Variants in TIMM44 observed in about 807,000 individuals in gnomAD.
TIMM44 encodes the protein mitochondrial import inner membrane translocase subunit TIM44.
TIMM44 carries 37 observed loss-of-function variants against 63.8 expected under a neutral mutation model. The observed-to-expected ratio is 0.58, with a 90% CI of 0.45 to 0.76. TIMM44 has a LOEUF of 0.76. Among genes scored for constraint, TIMM44 ranks in the 30% least tolerant of loss-of-function variants. The pLI is 0.00. For synonymous variants in TIMM44, 239 were observed against 245.1 expected, an observed-to-expected ratio of 0.98 and a Z score of 0.23; for missense variants, 573 against 603.8, an observed-to-expected ratio of 0.95 and a Z score of 0.54.
chr19:7,933,557 C>T lies in TIMM44; in HGVS notation c.697G>A (p.Val233Ile). ...CACTTGGAGTCCTTGTGCAGCACGA[C>T]CCCCAGGGCCTCCCTGGGGAAGAGG... ...VFEPNEEALG[V>I]VLHKDSKWYQ... Residue 233 changes from valine to isoleucine, a missense_variant, in exon 7 of 13, where the codon GTC becomes ATC. By Grantham distance (29) the Val-to-Ile change is conservative. Coordinates refer to ENST00000270538, the MANE Select transcript of TIMM44 (RefSeq NM_006351.4). The surrounding 1 kb of genome is among the most constrained non-coding windows in gnomAD (Gnocchi z 4.3). 1 of 1,613,956 alleles carries T rather than the reference C, an allele frequency of 6.2e-7. No individual in the cohort carries two copies. Among genetic ancestry groups the T allele is most frequent in the East Asian group, 2.2e-5 (1 of 44,832 alleles).
At chr19:7,936,774 C>T (rs1984166024) in intron 3 of TIMM44, among the ~76,000 whole-genome samples, 1 of 152,142 alleles carries the variant, frequency 6.6e-6, no homozygotes, top group South Asian at 2.1e-4. Flanking sequence ...TTGAGACCAG[C>T]CTGGCCAACA....
chr19:7,927,133 G>T lies in TIMM44; in HGVS notation c.*54C>A. The T allele has an allele frequency of 6.4e-7, 1 of 1,564,854 alleles. No homozygotes were observed. Among genetic ancestry groups the T allele is most frequent in the Non-Finnish European group, 8.6e-7 (1 of 1,161,974 alleles). On this transcript the variant is annotated 3_prime_UTR_variant, in exon 13 of 13. Transcript: ENST00000270538. The stretch of plus-strand genomic sequence containing the variant: ...CTGGAGTTGCCGCAGGTGGTGTTGC[G>T]GTGCCTCTGTGCCTGATGACCCAGG...
At chr19:7,939,337 C>T (rs909796687) in intron 2 of TIMM44, among the ~76,000 whole-genome samples, 8 of 152,236 alleles carry the variant, frequency 5.3e-5, no homozygotes, top group Admixed American at 3.3e-4. Flanking sequence ...CAAGGCCGGG[C>T]GCAGTGGCTC....
rs1042512578 is a variant in TIMM44, at chr19:7,943,518, G to A, written c.45+89C>T. Reference sequence around the variant, plus strand: ...TCTAAGGAGCCCAAGCAAGGGTCGCGAAGGCCAAGGGTCTGAGAAGAAAGC... The same window carrying A: ...TCTAAGGAGCCCAAGCAAGGGTCGCAAAGGCCAAGGGTCTGAGAAGAAAGC... On this transcript the variant is annotated intron_variant, in intron 1 of 12. Transcript: ENST00000270538. The surrounding 1 kb of genome is among the most constrained non-coding windows in gnomAD (Gnocchi z 4.3). 48 of 1,459,308 alleles carry A rather than the reference G, an allele frequency of 3.3e-5. No homozygotes were observed. Among genetic ancestry groups the A allele is most frequent in the Non-Finnish European group, 4.1e-5 (44 of 1,076,418 alleles). 90.4% of individuals were successfully genotyped at this position (1,459,308 alleles called of 1,614,324 possible).
intron 1 of TIMM44, 78 bp from the exon 2 acceptor site, chr19:7,941,275 G>A: frequency 8.8e-7 from 1 of 1,135,510 alleles, no homozygotes; most frequent in Non-Finnish European, 1.3e-6. Flanking sequence ...ACACAAAACA[G>A]CAGGGTCACC....
At chr19:7,928,708 G>A (rs1300542817) in intron 10 of TIMM44, 3 of 151,774 alleles carry the variant, frequency 2.0e-5, no homozygotes, top group Non-Finnish European at 2.9e-5. Flanking sequence ...TGTTCTGATA[G>A]CATCTACTTT....
rs758159353 is a variant in TIMM44, at chr19:7,938,097, A to G, written c.242T>C (p.Ile81Thr). 1.2e-6 allele frequency: 2 copies of G among 1,614,068 alleles called. No homozygotes were observed. Among genetic ancestry groups the G allele is most frequent in the Non-Finnish European group, 1.7e-6 (2 of 1,180,006 alleles). ...TCTGGCCTCGTCACGGAATTTTTTT[A>G]TACTTTCTTTCATTTCTTTGTTTTT... ...LAKNKEMKES[I>T]KKFRDEARRL... The change falls in exon 3 of 13, where the codon ATA (isoleucine) becomes ACA (threonine). Residue 81 changes from isoleucine to threonine, a missense_variant. Transcript: ENST00000270538.
In TIMM44 at chr19:7,933,876, A is replaced by G. The variant is rs1382875371; in HGVS notation, c.671T>C (p.Phe224Ser). ...AGDKFKEEKV[F>S]EPNEEALGVV... ...GGCTGGTACCTACTCGTTTGGCTCA[A>G]ACACTTTCTCCTCCTTGAACTTATC... Residue 224 changes from phenylalanine to serine, a missense_variant, in exon 6 of 13, where the codon TTT (phenylalanine) becomes TCT (serine). By Grantham distance (155) the Phe-to-Ser change is radical (BLOSUM62 -2). Transcript: ENST00000270538. The surrounding 1 kb of genome is among the most constrained non-coding windows in gnomAD (Gnocchi z 4.3). 2 of 1,614,170 alleles carry G rather than the reference A, an allele frequency of 1.2e-6. No individual in the cohort carries two copies. Among genetic ancestry groups the G allele is most frequent in the Middle Eastern group, 1.6e-4 (1 of 6,062 alleles).
At position 7,932,722 on chromosome 19, in the gene TIMM44, C is replaced by T; in HGVS notation, c.892G>A (p.Glu298Lys). Residue 298 changes from glutamate to lysine, a missense_variant, in exon 9 of 13, where the codon GAG becomes AAG. Physicochemically the swap from Glu to Lys is moderately conservative, Grantham distance 56 (BLOSUM62 1). Coordinates refer to ENST00000270538, the MANE Select transcript of TIMM44 (RefSeq NM_006351.4). ...ACCCGGAGGATCTCCGTGAGCACCT[C>T]CGACATCTCTGTCTTGGAGAACAGG... ...GGLFSKTEMSEVLTEILRVDP... is the reference protein window; with the variant it reads ...GGLFSKTEMSKVLTEILRVDP... 3.7e-6 allele frequency: 6 copies of T among 1,614,136 alleles called. No individual in the cohort carries two copies. The highest frequency in any genetic ancestry group is 5.1e-6 in the Non-Finnish European group (6 of 1,179,984).
In TIMM44 at chr19:7,934,251, A is replaced by C; in HGVS notation, c.394-13T>G. The stretch of plus-strand genomic sequence containing the variant: ...CTTCGTGAAGGCTCTACTGAGACAG[A>C]CACAGAGAGGGGGCGTTGGCACCGG... On this transcript the variant is annotated splice_polypyrimidine_tract_variant and intron_variant, in intron 4 of 12. Transcript: ENST00000270538. The surrounding 1 kb of genome is among the most constrained non-coding windows in gnomAD (Gnocchi z 5.3). 1 of 1,610,638 alleles carries C rather than the reference A, an allele frequency of 6.2e-7. No individual in the cohort carries two copies. The highest frequency in any genetic ancestry group is 8.5e-7 in the Non-Finnish European group (1 of 1,179,944).
At chr19:7,935,367 G>T in intron 3 of TIMM44, 1 of 521,846 alleles carries the variant, frequency 1.9e-6, no homozygotes, top group Non-Finnish European at 3.4e-6. Context: ...GTTTTACCAC[G>T]TTGGCCAGGC....
chr19:7,941,149 G>C lies in TIMM44; in HGVS notation c.94C>G (p.His32Asp). 6.2e-7 allele frequency: 1 copy of C among 1,614,168 alleles called. No individual in the cohort carries two copies. The highest frequency in any genetic ancestry group is 1.7e-5 in the Admixed American group (1 of 60,022). The change falls in exon 2 of 13, where the codon CAT (histidine) becomes GAT (aspartate). Residue 32 changes from histidine to aspartate, a missense_variant. By Grantham distance (81) the His-to-Asp change is moderately conservative. Transcript: ENST00000270538. ...CGGCGCATCTGATAGGTCGACCCAT[G>C]GGGTAGGTTGTGGCTGGAAAGAAAT... The part of the protein sequence containing the change: ...IQFLSSHNLP[H>D]GSTYQMRRPG...
chr19:7,930,303 CT>C (rs71179159), intron 10 of TIMM44, among the ~76,000 whole-genome samples: 24,737 of 108,764 alleles, frequency 0.23, 1,970 homozygotes, highest in African/African-American at 0.29. Flanking sequence ...ATGCTTGGCT[CT>C]TTTTTTTTTT....
At position 7,931,116 on chromosome 19, in the gene TIMM44, GAAAA is replaced by G. The variant is rs759967707; in HGVS notation, c.1038+18_1038+21del. ...TTTTTAGGCCTTAAAAAAAAAAAAAGAAAAAGAAAGGAAGTACTCACAGCTTCAT... is the reference window on the plus strand; with the variant it reads ...TTTTTAGGCCTTAAAAAAAAAAAAAGAGAAAGGAAGTACTCACAGCTTCAT... On this transcript the variant is annotated intron_variant, in intron 10 of 12. Coordinates refer to ENST00000270538, the MANE Select transcript of TIMM44 (RefSeq NM_006351.4). 3.2e-6 allele frequency: 5 copies of G among 1,557,462 alleles called. No individual in the cohort carries two copies. The South Asian group carries it at 6.0e-5, about 19-fold the overall frequency.
rs1242975308 is a variant in TIMM44, at chr19:7,927,692, T to C, written c.1204A>G (p.Arg402Gly). 1 of 1,613,572 alleles carries C rather than the reference T, an allele frequency of 6.2e-7. No homozygotes were observed. Among genetic ancestry groups the C allele is most frequent in the Non-Finnish European group, 8.5e-7 (1 of 1,180,018 alleles). Reference sequence around the variant, plus strand: ...TCCACCACCTCGCCTTTGGGGTTCCTGACCACCATCACCAGCTGTGCCTGG... The same window carrying C: ...TCCACCACCTCGCCTTTGGGGTTCCCGACCACCATCACCAGCTGTGCCTGG... ...TFQAQLVMVVRNPKGEVVEGD... is the reference protein window; with the variant it reads ...TFQAQLVMVVGNPKGEVVEGD... Residue 402 changes from arginine (R) to glycine (G), a missense_variant, in exon 12 of 13, where the codon AGG (arginine) becomes GGG (glycine). Coordinates refer to ENST00000270538, the MANE Select transcript of TIMM44 (RefSeq NM_006351.4).
chr19:7,935,889 G>A (rs1984140880), intron 3 of TIMM44, among the ~76,000 whole-genome samples: 1 of 152,228 alleles, frequency 6.6e-6, no homozygotes, highest in South Asian at 2.1e-4. Flanking sequence ...GGCTGGGCAT[G>A]TGAGCTGTAG....
At position 7,926,968 on chromosome 19, in the gene TIMM44, A is replaced by T; in HGVS notation, c.*219T>A. 1.7e-6 allele frequency: 1 copy of T among 599,608 alleles called. No individual in the cohort carries two copies. Among genetic ancestry groups the T allele is most frequent in the Non-Finnish European group, 2.9e-6 (1 of 343,418 alleles). 37.1% of individuals were successfully genotyped at this position (599,608 alleles called of 1,614,324 possible). A position where few individuals can be genotyped will look rare whatever the true frequency, so the allele number is the denominator to read the frequency against. Reference sequence around the variant, plus strand: ...CGGGACCCCTGCAGGGCAGAGCAACAGGGCAGGGGTTGGCCCTGCGGGGGA... The same window carrying T: ...CGGGACCCCTGCAGGGCAGAGCAACTGGGCAGGGGTTGGCCCTGCGGGGGA... On this transcript the variant is annotated 3_prime_UTR_variant, in exon 13 of 13. Coordinates refer to ENST00000270538, the MANE Select transcript of TIMM44 (RefSeq NM_006351.4).
chr19:7,933,430 G>A lies in TIMM44; in HGVS notation c.769+55C>T, dbSNP rs965431009. On this transcript the variant is annotated intron_variant, in intron 7 of 12. Coordinates refer to ENST00000270538, the MANE Select transcript of TIMM44 (RefSeq NM_006351.4). This position sits in a 1 kb window ranked among gnomAD's most constrained non-coding sequence, Gnocchi z 4.3. The stretch of plus-strand genomic sequence containing the variant: ...GCCCAATGCAGGGGGATCACCTTGC[G>A]GTCCACCAACTGCCCGGGACACAGT... The A allele has an allele frequency of 2.6e-5, 39 of 1,505,638 alleles. No homozygotes were observed. The highest frequency in any genetic ancestry group is 2.3e-4 in the Admixed American group (14 of 59,890). 93.3% of individuals were successfully genotyped at this position (1,505,638 alleles called of 1,614,324 possible).
rs1984079278 is a variant in TIMM44, at chr19:7,934,333, G to A, written c.394-95C>T. 12 of 1,538,870 alleles carry A rather than the reference G, an allele frequency of 7.8e-6. No homozygotes were observed. Among genetic ancestry groups the A allele is most frequent in the Non-Finnish European group, 1.1e-5 (12 of 1,126,606 alleles). ...TGAATTCCTGCCGGAGAGAAGGGCG[G>A]ATCTGGTTCCCCGAGGCCGGCAGAG... On this transcript the variant is annotated intron_variant, in intron 4 of 12. Coordinates refer to ENST00000270538, the MANE Select transcript of TIMM44 (RefSeq NM_006351.4). This position sits in a 1 kb window ranked among gnomAD's most constrained non-coding sequence, Gnocchi z 5.3.
Sources: allele counts gnomAD v4.1 joint callset (sites outside exome capture counted in the v4.1 genomes callset), GRCh38; gene constraint gnomAD v4.1.1; non-coding constraint Gnocchi (gnomAD v3.1); transcripts MANE v1.5; gene names NCBI Gene and HGNC (gene_info 2026-07-23, HGNC 2026-07-21).